JAM2: variants seen among roughly 807,000 people sequenced by gnomAD.
The protein encoded by JAM2 is junctional adhesion molecule 2, also known as junctional adhesion molecule B.
In JAM2, 17 loss-of-function variants were observed where a neutral mutation model predicts 42.0. That is an observed-to-expected ratio of 0.40 (90% CI 0.28 to 0.61). JAM2 has a LOEUF of 0.61. JAM2 is among the 20% of genes least tolerant of loss of function. The pLI, the probability that JAM2 is intolerant of heterozygous loss-of-function variation, is 0.37. For synonymous variants in JAM2, 118 were observed against 128.6 expected (o/e 0.92, Z 0.56); for missense variants, 319 against 358.3 (o/e 0.89, Z 0.89).
chr21:25,683,071 A>T (rs115970341), intron 1 of JAM2, among the ~76,000 whole-genome samples: 3,341 of 152,204 alleles, frequency 0.022, 121 homozygotes, highest in African/African-American at 0.076. Flanking sequence ...GCATGAAAAC[A>T]GGAATGCCTG....
intron 1 of JAM2, among the ~76,000 whole-genome samples, chr21:25,660,109 C>T (rs771632055): frequency 6.6e-5 from 10 of 151,944 alleles, no homozygotes; most frequent in African/African-American, 1.7e-4. Flanking sequence ...TTAGTAGAGA[C>T]GGGGTTTCAC....
At chr21:25,660,005 C>T (rs972570409) in intron 1 of JAM2, among the ~76,000 whole-genome samples, 10 of 151,834 alleles carry the variant, frequency 6.6e-5, no homozygotes, top group Non-Finnish European at 1.2e-4. Context: ...GCAACCTCTG[C>T]GTCCTGGGTT....
intron 1 of JAM2, among the ~76,000 whole-genome samples, chr21:25,672,474 ATCTTAAAAATGAT>A (rs1780872389): frequency 6.6e-6 from 1 of 152,174 alleles, no homozygotes; most frequent in Non-Finnish European, 1.5e-5. Flanking sequence ...ACAATACCTA[ATCTTAAAAATGAT>A]TTATTTGACA....
At chr21:25,696,483 T>C (rs1390066370) in intron 4 of JAM2, among the ~76,000 whole-genome samples, 1 of 152,152 alleles carries the variant, frequency 6.6e-6, no homozygotes, top group Non-Finnish European at 1.5e-5. Flanking sequence ...ATACTAGTGA[T>C]GCACTAGTAT....
In JAM2 at chr21:25,693,787, T is replaced by C; in HGVS notation, c.273T>C (p.Asp91=). Residue 91 remains aspartate (D), a synonymous_variant, in exon 4 of 10, where the codon GAT becomes GAC. Coordinates refer to ENST00000480456, the MANE Select transcript of JAM2 (RefSeq NM_021219.4). ...TTAAAAATCGAGCTGAGATGATAGA[T>C]TTCAATATCCGGATCAAAAATGTGA... ...GDFKNRAEMI[D]FNIRIKNVTR... 6.2e-7 allele frequency: 1 copy of C among 1,614,046 alleles called. No homozygotes were observed. The highest frequency in any genetic ancestry group is 8.5e-7 in the Non-Finnish European group (1 of 1,179,896).
In JAM2 at chr21:25,639,282, G is replaced by A. The variant is rs2032350175; in HGVS notation, c.-540G>A. 1.3e-5 allele frequency: 2 copies of A among 152,540 alleles called. No individual in the cohort carries two copies. Among genetic ancestry groups the A allele is most frequent in the Admixed American group, 1.3e-4 (2 of 15,288 alleles). 9.4% of individuals were successfully genotyped at this position (152,540 alleles called of 1,614,324 possible). On this transcript the variant is annotated 5_prime_UTR_variant, in exon 1 of 10. Coordinates refer to ENST00000480456, the MANE Select transcript of JAM2 (RefSeq NM_021219.4). ...CAGAAAGAAGTTTTGAGCCAACGAG[G>A]GGAAGAAAGGAGTTGGGGCAAAACA...
intron 1 of JAM2, among the ~76,000 whole-genome samples, chr21:25,645,272 G>A (rs994469749): frequency 6.6e-6 from 1 of 152,228 alleles, no homozygotes; most frequent in African/African-American, 2.4e-5. Context: ...GCTCTTACCA[G>A]CTGTGTGATC....
chr21:25,680,199 C>G (rs572779470), intron 1 of JAM2, among the ~76,000 whole-genome samples: 16 of 152,322 alleles, frequency 1.1e-4, no homozygotes, highest in African/African-American at 3.6e-4. Context: ...GATGGTTTCT[C>G]TTAAATGTTT....
intron 1 of JAM2, among the ~76,000 whole-genome samples, chr21:25,681,429 G>A (rs772515669): frequency 1.3e-5 from 2 of 152,118 alleles, no homozygotes; most frequent in Non-Finnish European, 2.9e-5. Context: ...GAAGTGCAGA[G>A]TGAAGGTGGG....
chr21:25,666,894 T>C (rs1053171281), intron 1 of JAM2, among the ~76,000 whole-genome samples: 1 of 152,234 alleles, frequency 6.6e-6, no homozygotes, highest in African/African-American at 2.4e-5. Context: ...ATTGACTCTA[T>C]CATTTTAAGC....
chr21:25,667,324 G>A (rs954339496), intron 1 of JAM2, among the ~76,000 whole-genome samples: 5 of 152,132 alleles, frequency 3.3e-5, no homozygotes, highest in African/African-American at 9.7e-5. Flanking sequence ...TCCTTCTGAT[G>A]TATTGTCAGA....
chr21:25,685,281 G>A (rs544665473), intron 2 of JAM2, among the ~76,000 whole-genome samples: 5 of 151,996 alleles, frequency 3.3e-5, no homozygotes, highest in African/African-American at 9.6e-5. Flanking sequence ...GGGAGTGGTG[G>A]CTCATGCCTG....
intron 3 of JAM2, among the ~76,000 whole-genome samples, chr21:25,691,717 T>A (rs1389963103): frequency 1.3e-5 from 2 of 152,124 alleles, no homozygotes; most frequent in East Asian, 3.8e-4. Flanking sequence ...GAGGCAAGCA[T>A]TTGAGCTCAA....
At chr21:25,677,513 A>G (rs902672755) in intron 1 of JAM2, among the ~76,000 whole-genome samples, 2 of 152,254 alleles carry the variant, frequency 1.3e-5, no homozygotes, top group African/African-American at 4.8e-5. Flanking sequence ...ATTGAGAAAG[A>G]GAAAATGATT....
chr21:25,684,696 C>T (rs1403340722), intron 2 of JAM2, among the ~76,000 whole-genome samples: 4 of 152,046 alleles, frequency 2.6e-5, no homozygotes, highest in Non-Finnish European at 5.9e-5. Flanking sequence ...CCTCTACCTC[C>T]GGGGTCAAGT....
chr21:25,690,042 G>T, intron 3 of JAM2, 69 bp downstream of exon 3: 1 of 943,838 alleles, frequency 1.1e-6, no homozygotes, highest in Non-Finnish European at 1.7e-6. Flanking sequence ...CCTTTAATTG[G>T]CAAATGAGAT....
intron 9 of JAM2, 100 bp from the exon 10 acceptor site, chr21:25,714,540 G>A (rs2034445083): frequency 2.4e-6 from 2 of 826,372 alleles, no homozygotes; most frequent in Admixed American, 2.9e-5. Context: ...GTTTTTACCT[G>A]TAGAATTCTT....
intron 1 of JAM2, among the ~76,000 whole-genome samples, chr21:25,642,519 A>G (rs1031200518): frequency 6.6e-6 from 1 of 151,454 alleles, no homozygotes; most frequent in African/African-American, 2.4e-5. Context: ...TATCATGCTT[A>G]CTCCCTTCTT....
At chr21:25,673,287 A>T (rs2829855) in intron 1 of JAM2, among the ~76,000 whole-genome samples, 13,002 of 152,186 alleles carry the variant, frequency 0.085, 746 homozygotes, top group African/African-American at 0.16. Flanking sequence ...TCACTGAAAA[A>T]TTTTAATCTA....
Sources: gnomAD v4.1 joint callset for allele counts (sites outside exome capture counted in the v4.1 genomes callset) on GRCh38, gnomAD v4.1.1 for gene constraint, MANE v1.5 for transcripts, NCBI Gene and HGNC (gene_info 2026-07-23, HGNC 2026-07-21) for gene names.